XKR7: variants seen among roughly 807,000 people sequenced by gnomAD.
The protein encoded by XKR7 is XK-related protein 7.
A neutral mutation model predicts 42.2 loss-of-function variants in XKR7; 11 were observed. The observed-to-expected ratio is 0.26, with a 90% CI of 0.16 to 0.43. The LOEUF is 0.43. Among genes scored for constraint, XKR7 ranks in the 20% least tolerant of loss-of-function variants. The pLI, the probability that XKR7 is intolerant of heterozygous loss-of-function variation, is 1.00. For synonymous variants in XKR7, 346 were observed against 366.4 expected, an observed-to-expected ratio of 0.94 and a Z score of 0.64; for missense variants, 710 against 802.2, an observed-to-expected ratio of 0.89 and a Z score of 1.39.
Position 31,984,064 on chromosome 20 carries a change from C to A in XKR7, c.585-11004C>A, listed in dbSNP as rs111747785. 4.1e-3 allele frequency among the ~76,000 whole-genome samples: 625 copies of A among 152,078 alleles called. 1 individual carries two copies. The highest frequency in any genetic ancestry group is 6.9e-3 in the Non-Finnish European group (472 of 68,004). ...ATCCCTTGAGGTCAAGAGTTTGAGA[C>A]CAGCCTGACCAACATGGTGAAACCC... On this transcript the variant is annotated intron_variant, in intron 1 of 2. Transcript: ENST00000562532.
intron 1 of XKR7, among the ~76,000 whole-genome samples, chr20:31,984,600 G>A (rs1049573926): frequency 6.6e-6 from 1 of 152,214 alleles, no homozygotes; most frequent in African/African-American, 2.4e-5. Context: ...GGGCTTTCCT[G>A]GAATCACCTT....
At chr20:31,973,036 T>C (rs962609148) in intron 1 of XKR7, among the ~76,000 whole-genome samples, 7 of 152,334 alleles carry the variant, frequency 4.6e-5, no homozygotes, top group African/African-American at 1.7e-4. Context: ...CTCTCATCCG[T>C]TGTAAACTAG....
At chr20:31,980,660 C>A (rs544189529) in intron 1 of XKR7, among the ~76,000 whole-genome samples, 3 of 152,308 alleles carry the variant, frequency 2.0e-5, no homozygotes, top group African/African-American at 7.2e-5. Context: ...TCTTGCCCTC[C>A]TGCAATCTGT....
At chr20:31,984,313 A>G (rs1600659256) in intron 1 of XKR7, among the ~76,000 whole-genome samples, 2 of 151,736 alleles carry the variant, frequency 1.3e-5, no homozygotes, top group South Asian at 4.2e-4. Context: ...AGGAGTTTAC[A>G]AGATCCCCCT....
Position 31,968,248 on chromosome 20 carries a change from G to T in XKR7, c.73G>T (p.Gly25Cys). Residue 25 changes from glycine to cysteine, a missense_variant, in exon 1 of 3, where the codon GGC becomes TGC. Around this residue, in one of 2 missense-constraint regions of XKR7, gnomAD observed 708 missense variants for 786.2 expected, o/e 0.90. Transcript: ENST00000562532. The surrounding 1 kb of genome is among the most constrained non-coding windows in gnomAD (Gnocchi z 4.5). ...DPEGAAGGAR[G>C]SAGGRGEAAA... is the part of the protein sequence containing the mutation. The stretch of plus-strand genomic sequence containing the variant: ...GGAGGGGGCTGCCGGTGGAGCCCGG[G>T]GCAGTGCCGGCGGGCGCGGGGAGGC... The T allele has an allele frequency of 1.8e-6, 2 of 1,138,620 alleles. No individual in the cohort carries two copies. Among genetic ancestry groups the T allele is most frequent in the Non-Finnish European group, 2.2e-6 (2 of 928,934 alleles). The allele number at this position is 1,138,620 out of a possible 1,614,324, so 70.5% of individuals were successfully genotyped here.
intron 1 of XKR7, among the ~76,000 whole-genome samples, chr20:31,993,750 C>A (rs1285316577): frequency 1.3e-5 from 2 of 152,190 alleles, no homozygotes; most frequent in East Asian, 3.8e-4. Context: ...GCAGTTACAA[C>A]CCACTGTGAC....
chr20:31,968,639 C>A lies in XKR7; in HGVS notation c.464C>A (p.Pro155His). The change falls in exon 1 of 3, where the codon CCC becomes CAC. Residue 155 changes from proline to histidine, a missense_variant. Physicochemically the swap from Pro to His is moderately conservative, Grantham distance 77. Transcript: ENST00000562532. The surrounding 1 kb of genome is among the most constrained non-coding windows in gnomAD (Gnocchi z 4.5). The stretch of plus-strand genomic sequence containing the variant: ...GCCTTCCGGACCAAAGAAGGCAGCC[C>A]CGAGCCGGGTCCCCAGCCTGCGCCC... ...AGAFRTKEGS[P>H]EPGPQPAPSS... 2 of 1,589,384 alleles carry A rather than the reference C, an allele frequency of 1.3e-6. No individual in the cohort carries two copies. The highest frequency in any genetic ancestry group is 8.5e-7 in the Non-Finnish European group (1 of 1,174,166).
Position 31,999,409 on chromosome 20 carries a change from G to C in XKR7, c.*1952G>C, listed in dbSNP as rs1331528935. On this transcript the variant is annotated 3_prime_UTR_variant, in exon 3 of 3. Transcript: ENST00000562532. ...GGTCACCCTCCCCACCAGCACACAG[G>C]CCGAGATGGTGTACGCATCATCCCT... 1 of 152,226 alleles carries C rather than the reference G, an allele frequency of 6.6e-6. No homozygotes were observed. Among genetic ancestry groups the C allele is most frequent in the African/African-American group, 2.4e-5 (1 of 41,412 alleles). 9.4% of individuals were successfully genotyped at this position (152,226 alleles called of 1,614,324 possible). A position where few individuals can be genotyped will look rare whatever the true frequency, so the allele number is the denominator to read the frequency against.
chr20:31,974,235 G>C (rs1352790431), intron 1 of XKR7, among the ~76,000 whole-genome samples: 3 of 152,110 alleles, frequency 2.0e-5, no homozygotes, highest in Non-Finnish European at 4.4e-5. Context: ...ACTGGAGGGA[G>C]GCAGAGTAAG....
Position 31,998,158 on chromosome 20 carries a change from G to A in XKR7, c.*701G>A, listed in dbSNP as rs2064606123. The A allele has an allele frequency of 6.6e-6, 1 of 152,004 alleles. No homozygotes were observed. Among genetic ancestry groups the A allele is most frequent in the African/African-American group, 2.4e-5 (1 of 41,282 alleles). The allele number at this position is 152,004 out of a possible 1,614,324, so 9.4% of individuals were successfully genotyped here. A position where few individuals can be genotyped will look rare whatever the true frequency, so the allele number is the denominator to read the frequency against. ...AGGGGAACCTGCAATCCAGAGCATAGCGAACAAGAATGAACTCCTTAGGAG... is the reference window on the plus strand; with the variant it reads ...AGGGGAACCTGCAATCCAGAGCATAACGAACAAGAATGAACTCCTTAGGAG... On this transcript the variant is annotated 3_prime_UTR_variant, in exon 3 of 3. Coordinates refer to ENST00000562532, the MANE Select transcript of XKR7 (RefSeq NM_001011718.2).
chr20:31,997,238 G>A lies in XKR7; in HGVS notation c.1521G>A (p.Leu507=), dbSNP rs1401424582. The change falls in exon 3 of 3, where the codon TTG becomes TTA. Residue 507 remains leucine (L), a synonymous_variant. Transcript: ENST00000562532. ...TPPVFQVRPG[L]PPTPVARTLR... is the part of the protein sequence containing the mutation. ...CTGTCTTCCAGGTGCGGCCTGGCTT[G>A]CCTCCCACACCAGTGGCCCGCACCT... The A allele has an allele frequency of 1.2e-6, 2 of 1,611,544 alleles. No homozygotes were observed. The highest frequency in any genetic ancestry group is 1.7e-6 in the Non-Finnish European group (2 of 1,179,826).
chr20:31,997,113 G>C lies in XKR7; in HGVS notation c.1396G>C (p.Ala466Pro). The change falls in exon 3 of 3, where the codon GCT becomes CCT. Residue 466 changes from alanine to proline, a missense_variant. By Grantham distance (27) the Ala-to-Pro change is conservative. Around this residue, in one of 2 missense-constraint regions of XKR7, gnomAD observed 708 missense variants for 786.2 expected, o/e 0.90. Coordinates refer to ENST00000562532, the MANE Select transcript of XKR7 (RefSeq NM_001011718.2). ...RKASEPCGPPADAITSPPRSL... is the reference protein window; with the variant it reads ...RKASEPCGPPPDAITSPPRSL... Reference sequence around the variant, plus strand: ...GGCCTCAGAGCCCTGTGGCCCACCCGCTGACGCCATCACGAGTCCCCCCAG... The same window carrying C: ...GGCCTCAGAGCCCTGTGGCCCACCCCCTGACGCCATCACGAGTCCCCCCAG... The C allele has an allele frequency of 6.2e-7, 1 of 1,612,954 alleles. No homozygotes were observed. Among genetic ancestry groups the C allele is most frequent in the Non-Finnish European group, 8.5e-7 (1 of 1,180,012 alleles).
intron 1 of XKR7, among the ~76,000 whole-genome samples, chr20:31,985,591 C>G (rs147740783): frequency 6.6e-6 from 1 of 151,734 alleles, no homozygotes; most frequent in African/African-American, 2.4e-5. Context: ...AAGACACAGA[C>G]AGACCACCGA....
rs750383974 is a variant in XKR7, at chr20:31,995,134, C to G, written c.651C>G (p.Phe217Leu). 2.6e-6 allele frequency: 4 copies of G among 1,559,332 alleles called. No homozygotes were observed. Among genetic ancestry groups the G allele is most frequent in the Admixed American group, 1.9e-5 (1 of 52,522 alleles). ...GCGGGGAGCGGCTGCGGCGCCACTT[C>G]TACTGGCAGATGCTGTTCGAGAGCG... The part of the protein sequence containing the change: ...RWRGERLRRH[F>L]YWQMLFESAD... The change falls in exon 2 of 3, where the codon TTC becomes TTG. Residue 217 changes from phenylalanine (F) to leucine (L), a missense_variant. Phe to Leu is a conservative substitution (Grantham distance 22). This residue lies in a region of XKR7 where 708 missense variants were observed against 786.2 expected (regional missense o/e 0.90). Transcript: ENST00000562532. This position sits in a 1 kb window ranked among gnomAD's most constrained non-coding sequence, Gnocchi z 4.1.
chr20:31,994,246 C>T (rs1008037803), intron 1 of XKR7, among the ~76,000 whole-genome samples: 7 of 152,174 alleles, frequency 4.6e-5, no homozygotes, highest in Non-Finnish European at 7.3e-5. Flanking sequence ...CTGGAAGGAA[C>T]CTATGTGAGC....
chr20:31,986,109 C>A (rs555810646), intron 1 of XKR7, among the ~76,000 whole-genome samples: 2 of 150,828 alleles, frequency 1.3e-5, no homozygotes, highest in African/African-American at 4.9e-5. Context: ...CACAGACAGA[C>A]CACCAAACAG....
intron 1 of XKR7, among the ~76,000 whole-genome samples, chr20:31,985,854 G>A (rs1410871792): frequency 8.6e-6 from 1 of 116,510 alleles, no homozygotes. Context: ...AGACCACCAA[G>A]CGGACCCAGC....
In XKR7 at chr20:31,997,041, A is replaced by G. The variant is rs1208377788; in HGVS notation, c.1324A>G (p.Asn442Asp). Residue 442 changes from asparagine to aspartate, a missense_variant, in exon 3 of 3, where the codon AAT becomes GAT. This residue lies in a region of XKR7 where 708 missense variants were observed against 786.2 expected (regional missense o/e 0.90). Coordinates refer to ENST00000562532, the MANE Select transcript of XKR7 (RefSeq NM_001011718.2). ...MCVYYCLLHP[N>D]GPMLGPQAPG... ...TGTCTACTACTGTCTCCTGCACCCC[A>G]ATGGGCCCATGCTGGGTCCCCAGGC... 6.2e-7 allele frequency: 1 copy of G among 1,613,912 alleles called. No individual in the cohort carries two copies. Among genetic ancestry groups the G allele is most frequent in the Admixed American group, 1.7e-5 (1 of 60,020 alleles).
chr20:32,001,186 A>C lies in XKR7; in HGVS notation c.*3729A>C, dbSNP rs1188476609. The C allele has an allele frequency of 6.6e-6, 1 of 152,234 alleles. No homozygotes were observed. The highest frequency in any genetic ancestry group is 1.5e-5 in the Non-Finnish European group (1 of 68,042). 9.4% of individuals were successfully genotyped at this position (152,234 alleles called of 1,614,324 possible). ...TTAATCTGGACCTGGAGTCCACAGA[A>C]GCCTCAGACAATAGGGAGAAGGTTT... On this transcript the variant is annotated 3_prime_UTR_variant, in exon 3 of 3. Coordinates refer to ENST00000562532, the MANE Select transcript of XKR7 (RefSeq NM_001011718.2).
Sources: gnomAD v4.1 joint callset for allele counts (sites outside exome capture counted in the v4.1 genomes callset) on GRCh38, gnomAD v4.1.1 for gene constraint, gnomAD v4.1.1 regional missense constraint, Gnocchi (gnomAD v3.1) non-coding constraint, MANE v1.5 for transcripts, NCBI Gene and HGNC (gene_info 2026-07-23, HGNC 2026-07-21) for gene names.